Variants in ADGRL3 observed in about 807,000 individuals in gnomAD.
ADGRL3 encodes calcium-independent alpha-latrotoxin receptor 3.
A neutral mutation model predicts 153.5 loss-of-function variants in ADGRL3; 62 were observed. That is an observed-to-expected ratio of 0.40 (90% CI 0.33 to 0.50). The LOEUF (loss-of-function observed/expected upper bound fraction) is 0.50. Ranked by LOEUF, ADGRL3 falls within the 20% of genes least tolerant of loss-of-function variation. The pLI is 0.47. For missense variants in ADGRL3, 1,641 were observed against 1,859.4 expected, an observed-to-expected ratio of 0.88 and a Z score of 2.16; for synonymous variants, 710 against 672.5, an observed-to-expected ratio of 1.06 and a Z score of -0.86.
Position 61,983,572 on chromosome 4 carries a change from G to A in ADGRL3, c.3205G>A (p.Val1069Ile). The stretch of plus-strand genomic sequence containing the variant: ...ACTCATTGTGGCTGTGTCAGCTGCA[G>A]TAGACTACAGGAGTTATGGAACAGA... ...PALIVAVSAA[V>I]DYRSYGTDKV... The change falls in exon 19 of 27, where the codon GTA becomes ATA. Residue 1069 changes from valine (V) to isoleucine (I), a missense_variant. Val to Ile is a conservative substitution (Grantham distance 29). This residue lies in a region of ADGRL3 where 32 missense variants were observed against 66.2 expected (regional missense o/e 0.48). Coordinates refer to ENST00000683033, the MANE Select transcript of ADGRL3 (RefSeq NM_001387552.1). 1 of 1,613,896 alleles carries A rather than the reference G, an allele frequency of 6.2e-7. No homozygotes were observed. Among genetic ancestry groups the A allele is most frequent in the Non-Finnish European group, 8.5e-7 (1 of 1,179,812 alleles).
At chr4:61,458,370 AC>A (rs1272424398) in intron 2 of ADGRL3, among the ~76,000 whole-genome samples, 1 of 151,384 alleles carries the variant, frequency 6.6e-6, no homozygotes, top group African/African-American at 2.4e-5. Context: ...TTTATAAAAA[AC>A]AATAATTTTT....
intron 6 of ADGRL3, among the ~76,000 whole-genome samples, chr4:61,691,732 T>C (rs534447021): frequency 1.3e-4 from 20 of 152,260 alleles, no homozygotes; most frequent in Middle Eastern, 3.4e-3. Context: ...GTATAAAAAT[T>C]ACTGTATTCT....
chr4:61,774,314 G>A (rs1269575241), intron 8 of ADGRL3, among the ~76,000 whole-genome samples: 23 of 145,516 alleles, frequency 1.6e-4, no homozygotes, highest in Non-Finnish European at 2.5e-4. Context: ...CCAAGATCGC[G>A]CCATTGCACT....
intron 13 of ADGRL3, among the ~76,000 whole-genome samples, chr4:61,925,943 A>G (rs942296132): frequency 2.0e-5 from 3 of 152,290 alleles, no homozygotes; most frequent in Admixed American, 1.3e-4. Context: ...GAAATGCTTC[A>G]TTTTGTTGTC....
intron 6 of ADGRL3, among the ~76,000 whole-genome samples, chr4:61,694,746 G>A (rs1002261862): frequency 6.6e-6 from 1 of 152,154 alleles, no homozygotes; most frequent in African/African-American, 2.4e-5. Flanking sequence ...AGCATGCAAG[G>A]CTGTTTGATA....
chr4:61,285,958 C>A (rs1388413203), intron 1 of ADGRL3, among the ~76,000 whole-genome samples: 1 of 151,632 alleles, frequency 6.6e-6, no homozygotes, highest in Non-Finnish European at 1.5e-5. Flanking sequence ...AAAAATGAAA[C>A]TACATCTTAA....
In ADGRL3 at chr4:61,466,402, G is replaced by A. The variant is rs902642556; in HGVS notation, c.-173-30719G>A. On this transcript the variant is annotated intron_variant, in intron 2 of 26. Coordinates refer to ENST00000683033, the MANE Select transcript of ADGRL3 (RefSeq NM_001387552.1). ...AAGCCCTAAACATTTTGTATTATTA[G>A]TATTTAATATAGGTACCAAGAATAA... Among the ~76,000 whole-genome samples the A allele has an allele frequency of 7.9e-5, 12 of 152,272 alleles. 1 individual carries two copies. Among genetic ancestry groups the A allele is most frequent in the African/African-American group, 2.9e-4 (12 of 41,572 alleles).
At chr4:61,658,081 T>A (rs2150516750) in intron 5 of ADGRL3, among the ~76,000 whole-genome samples, 1 of 152,290 alleles carries the variant, frequency 6.6e-6, no homozygotes, top group Non-Finnish European at 1.5e-5. Context: ...TGCTTCTTTT[T>A]GTATTCTTTT....
chr4:61,642,979 A>G (rs530878573), intron 5 of ADGRL3, among the ~76,000 whole-genome samples: 1 of 152,298 alleles, frequency 6.6e-6, no homozygotes, highest in Non-Finnish European at 1.5e-5. Flanking sequence ...AGTGCTTTAT[A>G]GTTCTCCTTG....
intron 1 of ADGRL3, among the ~76,000 whole-genome samples, chr4:61,334,752 GGC>G (rs1198774551): frequency 5.3e-5 from 8 of 151,986 alleles, no homozygotes; most frequent in Non-Finnish European, 1.2e-4. Context: ...GACTTTGCTA[GGC>G]AAGAATATAA....
chr4:61,974,112 C>T (rs755155171), intron 17 of ADGRL3, among the ~76,000 whole-genome samples: 5 of 152,034 alleles, frequency 3.3e-5, no homozygotes, highest in Non-Finnish European at 5.9e-5. Flanking sequence ...TGACTACAGG[C>T]ACCCTCCACC....
chr4:61,587,597 T>C (rs558689214), intron 5 of ADGRL3, among the ~76,000 whole-genome samples, 157 bp downstream of exon 5: 24 of 152,268 alleles, frequency 1.6e-4, no homozygotes, highest in African/African-American at 5.5e-4. Context: ...ATCACCAAAA[T>C]GCTAATTGCA....
chr4:61,787,701 A>C (rs1325043040), intron 8 of ADGRL3, among the ~76,000 whole-genome samples: 1 of 152,042 alleles, frequency 6.6e-6, no homozygotes. Flanking sequence ...TTTCCAAAAT[A>C]GTTTTTCATT....
intron 1 of ADGRL3, among the ~76,000 whole-genome samples, chr4:61,331,458 A>C (rs2095571380): frequency 1.3e-5 from 2 of 152,120 alleles, no homozygotes. Context: ...TAAAGTTAAA[A>C]ATTTTTACAC....
chr4:61,312,994 G>A (rs1462530911), intron 1 of ADGRL3, among the ~76,000 whole-genome samples: 1 of 152,106 alleles, frequency 6.6e-6, no homozygotes, highest in South Asian at 2.1e-4. Flanking sequence ...TAAGTGTATG[G>A]ATAAGCAGAC....
intron 8 of ADGRL3, among the ~76,000 whole-genome samples, chr4:61,749,224 G>A (rs2096717776): frequency 6.6e-6 from 1 of 151,894 alleles, no homozygotes; most frequent in Non-Finnish European, 1.5e-5. Context: ...ATGCTGGAGA[G>A]GATGTGGAGA....
chr4:61,216,849 G>T (rs1743028525), intron 1 of ADGRL3, among the ~76,000 whole-genome samples: 2 of 152,166 alleles, frequency 1.3e-5, no homozygotes, highest in Admixed American at 1.3e-4. Context: ...CAGAGTTATT[G>T]TGAGGATTAA....
intron 13 of ADGRL3, among the ~76,000 whole-genome samples, chr4:61,926,480 T>C (rs954755646): frequency 1.3e-5 from 2 of 152,092 alleles, no homozygotes; most frequent in Non-Finnish European, 2.9e-5. Context: ...TTAAATATCT[T>C]TGGAATAATC....
intron 5 of ADGRL3, among the ~76,000 whole-genome samples, chr4:61,643,079 G>T (rs922925285): frequency 6.6e-5 from 10 of 152,162 alleles, no homozygotes; most frequent in African/African-American, 2.4e-4. Flanking sequence ...TCATGATTTG[G>T]CTCTCTGTTT....
Sources: allele counts gnomAD v4.1 joint callset (sites outside exome capture counted in the v4.1 genomes callset), GRCh38; gene constraint gnomAD v4.1.1; regional missense constraint gnomAD v4.1.1; transcripts MANE v1.5; gene names NCBI Gene and HGNC (gene_info 2026-07-23, HGNC 2026-07-21).